Variants in POT1 observed in about 807,000 individuals in gnomAD.
The protein encoded by POT1 is protection of telomeres 1, also known as protection of telomeres protein 1.
Under a neutral mutation model 78.5 loss-of-function variants are expected in POT1, and 47 were observed. The ratio of observed to expected loss-of-function variants is 0.60; its 90% confidence interval spans 0.47 to 0.76. The LOEUF is 0.76. Among genes scored for constraint, POT1 ranks in the 30% least tolerant of loss-of-function variants. The pLI is 0.00. For missense variants in POT1, 646 were observed against 749.9 expected (o/e 0.86, Z 1.62); for synonymous variants, 259 against 260.7 (o/e 0.99, Z 0.06).
chr7:124,902,464 C>G (rs1220058658), intron 3 of POT1, among the ~76,000 whole-genome samples: 1 of 152,152 alleles, frequency 6.6e-6, no homozygotes, highest in African/African-American at 2.4e-5. Context: ...CCTTTACAGA[C>G]AAGCAAATGC....
chr7:124,898,156 T>A (rs1400434430), intron 4 of POT1, 105 bp downstream of exon 4: 1 of 152,104 alleles, frequency 6.6e-6, no homozygotes, highest in Admixed American at 6.6e-5. Context: ...AATAATTTAG[T>A]CAGACCAAGT....
intron 16 of POT1, among the ~76,000 whole-genome samples, chr7:124,827,691 A>G (rs1794664949): frequency 6.6e-6 from 1 of 152,208 alleles, no homozygotes; most frequent in Non-Finnish European, 1.5e-5. Flanking sequence ...CATAGGGAGA[A>G]TATCTTATGA....
chr7:124,826,382 T>C (rs1186857700), intron 17 of POT1, among the ~76,000 whole-genome samples: 1 of 152,156 alleles, frequency 6.6e-6, no homozygotes, highest in Non-Finnish European at 1.5e-5. Context: ...TCTGTAACTG[T>C]CAGTATAACA....
intron 6 of POT1, among the ~76,000 whole-genome samples, chr7:124,887,666 C>T (rs1200511002): frequency 6.6e-6 from 1 of 152,064 alleles, no homozygotes; most frequent in African/African-American, 2.4e-5. Context: ...CACTATTTAA[C>T]ATCTCTGAAA....
chr7:124,925,404 C>G lies in POT1; in HGVS notation c.-227+3411G>C, dbSNP rs184552577. Among the ~76,000 whole-genome samples the G allele has an allele frequency of 1.2e-3, 178 of 152,002 alleles. 1 individual carries two copies. Among genetic ancestry groups the G allele is most frequent in the African/African-American group, 3.9e-3 (162 of 41,502 alleles). ...AATGCCTAGGAATATATTTAACTAA[C>G]AAGGTGAAAGATCTCTGCAAGGAAA... On this transcript the variant is annotated intron_variant, in intron 2 of 18. Coordinates refer to ENST00000357628, the MANE Select transcript of POT1 (RefSeq NM_015450.3).
chr7:124,914,731 AC>A (rs970202963), intron 3 of POT1, among the ~76,000 whole-genome samples: 3 of 152,200 alleles, frequency 2.0e-5, no homozygotes, highest in African/African-American at 7.2e-5. Flanking sequence ...TCTAGAGATG[AC>A]TTAATGTCAA....
At chr7:124,860,973 A>G (rs907384140) in intron 8 of POT1, among the ~76,000 whole-genome samples, 1 of 147,586 alleles carries the variant, frequency 6.8e-6, no homozygotes, top group Non-Finnish European at 1.5e-5. Flanking sequence ...TCCAGGGTGT[A>G]TATGTGCCAC....
chr7:124,838,479 C>G (rs1794947042), intron 14 of POT1, among the ~76,000 whole-genome samples: 1 of 152,102 alleles, frequency 6.6e-6, no homozygotes, highest in South Asian at 2.1e-4. Context: ...TAAGGTTTAT[C>G]TGAGTAAAAC....
intron 7 of POT1, among the ~76,000 whole-genome samples, chr7:124,865,150 C>G (rs2116547534): frequency 6.6e-6 from 1 of 152,218 alleles, no homozygotes; most frequent in Admixed American, 6.5e-5. Flanking sequence ...CTGGGTGTCA[C>G]TGTCTCTGGT....
chr7:124,909,741 CAT>C (rs1238268344), intron 3 of POT1, among the ~76,000 whole-genome samples: 2 of 151,852 alleles, frequency 1.3e-5, no homozygotes, highest in Non-Finnish European at 1.5e-5. Context: ...AAACACTTCA[CAT>C]GTCAGGTAAA....
chr7:124,854,336 G>C (rs1795390306), intron 9 of POT1, among the ~76,000 whole-genome samples: 1 of 151,580 alleles, frequency 6.6e-6, no homozygotes, highest in African/African-American at 2.4e-5. Context: ...CTGAATAATT[G>C]GAAAGCAAAG....
At chr7:124,917,357 A>T (rs1458745495) in intron 2 of POT1, among the ~76,000 whole-genome samples, 2 of 152,190 alleles carry the variant, frequency 1.3e-5, no homozygotes, top group Non-Finnish European at 2.9e-5. Flanking sequence ...CCTCTCGTCA[A>T]CCATCTCCGA....
In POT1 at chr7:124,825,318, C is replaced by T. The variant is rs1794603796; in HGVS notation, c.1726G>A (p.Asp576Asn). Residue 576 changes from aspartate to asparagine, a missense_variant, in exon 18 of 19, where the codon GAT becomes AAT. This residue lies in a region of POT1 where 394 missense variants were observed against 408.4 expected (regional missense o/e 0.96). Transcript: ENST00000357628. ...FQIPASEVLM[D>N]DDLQKSVDMI... Reference sequence around the variant, plus strand: ...TCCACACTTTTCTGAAGGTCATCATCCATCAGAACTTCTGATGCTGGAATC... The same window carrying T: ...TCCACACTTTTCTGAAGGTCATCATTCATCAGAACTTCTGATGCTGGAATC... 2 of 1,610,504 alleles carry T rather than the reference C, an allele frequency of 1.2e-6. No individual in the cohort carries two copies. The highest frequency in any genetic ancestry group is 2.7e-5 in the African/African-American group (2 of 74,886).
At chr7:124,853,283 G>C (rs1365750879) in intron 9 of POT1, 145 bp from the exon 10 acceptor site, 3 of 607,640 alleles carry the variant, frequency 4.9e-6, no homozygotes, top group African/African-American at 1.9e-5. Flanking sequence ...TATGCTATAC[G>C]AGTGTGGTTG....
intron 15 of POT1, 99 bp downstream of exon 15, chr7:124,835,180 C>T (rs888649839): frequency 3.7e-5 from 51 of 1,396,638 alleles, no homozygotes; most frequent in Non-Finnish European, 4.4e-5. Context: ...CACAATAGCA[C>T]GTGTATACCT....
chr7:124,917,557 A>G (rs916371957), intron 2 of POT1, among the ~76,000 whole-genome samples: 2 of 152,180 alleles, frequency 1.3e-5, no homozygotes, highest in Non-Finnish European at 2.9e-5. Context: ...ACTGTCCTCC[A>G]CAAGACGTAC....
intron 6 of POT1, among the ~76,000 whole-genome samples, chr7:124,889,033 A>C (rs954535620): frequency 6.6e-6 from 1 of 152,026 alleles, no homozygotes; most frequent in Non-Finnish European, 1.5e-5. Flanking sequence ...GTTACAAATG[A>C]TGAAGCTTAG....
At chr7:124,853,388 A>C (rs911761870) in intron 9 of POT1, 3 of 287,260 alleles carry the variant, frequency 1.0e-5, no homozygotes, top group African/African-American at 6.5e-5. Context: ...ACACACATTC[A>C]ACTGTAAGAG....
chr7:124,845,184 C>T (rs1344963063), intron 12 of POT1, among the ~76,000 whole-genome samples: 1 of 152,184 alleles, frequency 6.6e-6, no homozygotes, highest in Non-Finnish European at 1.5e-5. Flanking sequence ...CAAATTTCTA[C>T]AATTGTCCTC....
Sources: allele counts gnomAD v4.1 joint callset (sites outside exome capture counted in the v4.1 genomes callset), GRCh38; gene constraint gnomAD v4.1.1; regional missense constraint gnomAD v4.1.1; transcripts MANE v1.5; gene names NCBI Gene and HGNC (gene_info 2026-07-23, HGNC 2026-07-21).